The following TPP2 variants were observed in gnomAD, a reference collection of about 807,000 sequenced individuals.
TPP2 encodes the protein tripeptidyl peptidase 2.
TPP2 carries 34 observed loss-of-function variants against 155.9 expected under a neutral mutation model. That is an observed-to-expected ratio of 0.22 (90% CI 0.17 to 0.29). The LOEUF is 0.29. Ranked by LOEUF, TPP2 falls within the 10% of genes least tolerant of loss-of-function variation. TPP2 has a pLI of 1.00. For synonymous variants in TPP2, 510 were observed against 529.4 expected (o/e 0.96, Z 0.50); for missense variants, 1,028 against 1,522.3 (o/e 0.68, Z 5.40).
Position 102,648,897 on chromosome 13 carries a change from T to C in TPP2, c.2629-10T>C. ...CTTAACTTTTCCCAAATGTTGTTTT[T>C]CTTTTTCAGTATTCTTTGAAACTGG... On this transcript the variant is annotated splice_polypyrimidine_tract_variant and intron_variant, in intron 21 of 29. Transcript: ENST00000376052. 2 of 1,573,274 alleles carry C rather than the reference T, an allele frequency of 1.3e-6. No homozygotes were observed. Among genetic ancestry groups the C allele is most frequent in the Non-Finnish European group, 8.6e-7 (1 of 1,165,840 alleles).
chr13:102,606,307 A>T (rs868206921), intron 2 of TPP2, among the ~76,000 whole-genome samples: 3 of 152,226 alleles, frequency 2.0e-5, no homozygotes, highest in Admixed American at 6.5e-5. Flanking sequence ...GCCGTGTAAT[A>T]AAGCACCACA....
At chr13:102,634,152 CT>C in intron 11 of TPP2, 54 bp downstream of exon 11, 1 of 1,604,496 alleles carries the variant, frequency 6.2e-7, no homozygotes, top group African/African-American at 1.3e-5. Flanking sequence ...TTTTTGTTTT[CT>C]GAAGCTCTCA....
At chr13:102,644,119 A>G (rs1882945282) in intron 17 of TPP2, among the ~76,000 whole-genome samples, 1 of 152,176 alleles carries the variant, frequency 6.6e-6, no homozygotes, top group African/African-American at 2.4e-5. Flanking sequence ...GTAAATGACC[A>G]TAATGTCATT....
intron 2 of TPP2, among the ~76,000 whole-genome samples, chr13:102,608,242 A>T (rs1365018725): frequency 6.6e-6 from 1 of 152,210 alleles, no homozygotes; most frequent in East Asian, 1.9e-4. Flanking sequence ...ACATTAATAC[A>T]TTAAATTATC....
chr13:102,604,691 T>C lies in TPP2; in HGVS notation c.166-102T>C, dbSNP rs74112108. The C allele has an allele frequency of 2.1e-3, 2,774 of 1,309,188 alleles. 52 individuals carry two copies. In the African/African-American group the frequency reaches 0.036, roughly 17 times the overall value. 81.1% of individuals were successfully genotyped at this position (1,309,188 alleles called of 1,614,324 possible). ...AGTTCAGTTCTCTTTTTTAAGTGAATGTAGATTTTGTATATACACACACAT... is the reference window on the plus strand; with the variant it reads ...AGTTCAGTTCTCTTTTTTAAGTGAACGTAGATTTTGTATATACACACACAT... On this transcript the variant is annotated intron_variant, in intron 1 of 29. Coordinates refer to ENST00000376052, the MANE Select transcript of TPP2 (RefSeq NM_001330588.2).
At position 102,663,710 on chromosome 13, in the gene TPP2, A is replaced by G; in HGVS notation, c.3206A>G (p.Tyr1069Cys). The change falls in exon 26 of 30, where the codon TAC becomes TGC. Residue 1069 changes from tyrosine (Y) to cysteine (C), a missense_variant. Physicochemically the swap from Tyr to Cys is radical, Grantham distance 194 (BLOSUM62 -2). Around this residue, in one of 7 missense-constraint regions of TPP2, gnomAD observed 179 missense variants for 274.7 expected, o/e 0.65. Transcript: ENST00000376052. ...ACATATCCTAATTATCTTCCTCTGT[A>G]CGTTGCACGACTTCATCAATTGGAT... The part of the protein sequence containing the change: ...KETYPNYLPL[Y>C]VARLHQLDAE... The G allele has an allele frequency of 6.2e-7, 1 of 1,606,178 alleles. No individual in the cohort carries two copies. Among genetic ancestry groups the G allele is most frequent in the Non-Finnish European group, 8.5e-7 (1 of 1,177,420 alleles).
chr13:102,620,331 CAG>C (rs1175829472), intron 5 of TPP2, among the ~76,000 whole-genome samples: 3 of 152,148 alleles, frequency 2.0e-5, no homozygotes, highest in African/African-American at 4.8e-5. Context: ...TCTGAAATCT[CAG>C]AATAACATTT....
At chr13:102,597,722 A>G (rs1879080802) in intron 1 of TPP2, among the ~76,000 whole-genome samples, 1 of 152,224 alleles carries the variant, frequency 6.6e-6, no homozygotes, top group African/African-American at 2.4e-5. Context: ...TGAGAACTTA[A>G]TGTTTAGGGA....
intron 10 of TPP2, 90 bp downstream of exon 10, chr13:102,630,285 T>C (rs1881931723): frequency 2.2e-6 from 2 of 926,146 alleles, no homozygotes; most frequent in Middle Eastern, 2.5e-4. Flanking sequence ...AGTTTGCTAG[T>C]TTTTTTCTGT....
chr13:102,666,198 A>G (rs1328653644), intron 27 of TPP2, among the ~76,000 whole-genome samples: 1 of 152,232 alleles, frequency 6.6e-6, no homozygotes, highest in African/African-American at 2.4e-5. Flanking sequence ...ACTGAAGTTC[A>G]GAGAGTTTAG....
chr13:102,637,442 A>G (rs1051841657), intron 14 of TPP2, among the ~76,000 whole-genome samples: 1 of 152,212 alleles, frequency 6.6e-6, no homozygotes, highest in Non-Finnish European at 1.5e-5. Context: ...TTGTCCTTGT[A>G]TGAATAAGTA....
At chr13:102,636,133 T>C in intron 12 of TPP2, 91 bp from the exon 13 acceptor site, 1 of 1,328,288 alleles carries the variant, frequency 7.5e-7, no homozygotes, top group Non-Finnish European at 1.0e-6. Flanking sequence ...ACTTTTTGTT[T>C]TACAACTGAA....
chr13:102,608,856 C>T (rs1437765601), intron 2 of TPP2, among the ~76,000 whole-genome samples: 1 of 151,986 alleles, frequency 6.6e-6, no homozygotes, highest in Non-Finnish European at 1.5e-5. Flanking sequence ...GTTTAGGTGT[C>T]TAATCATCCC....
chr13:102,632,014 G>T (rs1882050619), intron 10 of TPP2, among the ~76,000 whole-genome samples: 1 of 152,114 alleles, frequency 6.6e-6, no homozygotes, highest in South Asian at 2.1e-4. Flanking sequence ...ACCACTTTTG[G>T]AGGCCAAGGT....
chr13:102,647,464 T>C (rs1189026151), intron 21 of TPP2, 120 bp downstream of exon 21: 1 of 1,297,966 alleles, frequency 7.7e-7, no homozygotes, highest in Non-Finnish European at 1.0e-6. Context: ...TAGCTTTGTG[T>C]TTAGTACTTT....
chr13:102,618,146 C>T (rs1415677721), intron 4 of TPP2, among the ~76,000 whole-genome samples: 3 of 152,018 alleles, frequency 2.0e-5, no homozygotes, highest in African/African-American at 7.2e-5. Flanking sequence ...CTAGTGTGTA[C>T]GTAATCGAAT....
intron 21 of TPP2, among the ~76,000 whole-genome samples, chr13:102,648,360 C>G (rs1883264744): frequency 6.6e-6 from 1 of 151,954 alleles, no homozygotes; most frequent in African/African-American, 2.4e-5. Context: ...CACTGCACTT[C>G]AGCCTGGGCA....
chr13:102,631,950 G>A (rs538436351), intron 10 of TPP2, among the ~76,000 whole-genome samples: 10 of 152,262 alleles, frequency 6.6e-5, no homozygotes, highest in African/African-American at 1.7e-4. Context: ...TCTTAAAGAC[G>A]TATTACCAAA....
intron 12 of TPP2, 105 bp from the exon 13 acceptor site, chr13:102,636,119 A>C: frequency 8.5e-7 from 1 of 1,170,074 alleles, no homozygotes; most frequent in Non-Finnish European, 1.2e-6. Flanking sequence ...GAATATAGAC[A>C]CTAACTTTTT....
Sources: gnomAD v4.1 joint callset for allele counts (sites outside exome capture counted in the v4.1 genomes callset) on GRCh38, gnomAD v4.1.1 for gene constraint, gnomAD v4.1.1 regional missense constraint, MANE v1.5 for transcripts, NCBI Gene and HGNC (gene_info 2026-07-23, HGNC 2026-07-21) for gene names.